Variants in VAMP7 observed in about 807,000 individuals in gnomAD.
The protein encoded by VAMP7 is vesicle associated membrane protein 7.
Under a neutral mutation model 29.6 loss-of-function variants are expected in VAMP7, and 14 were observed. That is an observed-to-expected ratio of 0.47 (90% CI 0.31 to 0.74). The LOEUF is 0.74. Ranked by LOEUF, VAMP7 falls within the 30% of genes least tolerant of loss-of-function variation. The pLI is 0.05. For missense variants in VAMP7, 223 were observed against 262.4 expected (o/e 0.85, Z 1.04); for synonymous variants, 95 against 88.1 (o/e 1.08, Z -0.44).
In VAMP7 at chrX:155,943,721, A is replaced by G. The variant is rs2066781318; in HGVS notation, c.*1770A>G. 1 of 152,202 alleles carries G rather than the reference A, an allele frequency of 6.6e-6. No individual in the cohort carries two copies. The highest frequency in any genetic ancestry group is 6.5e-5 in the Admixed American group (1 of 15,286). 9.4% of individuals were successfully genotyped at this position (152,202 alleles called of 1,614,324 possible). A position where few individuals can be genotyped will look rare whatever the true frequency, so the allele number is the denominator to read the frequency against. On this transcript the variant is annotated 3_prime_UTR_variant, in exon 8 of 8. Transcript: ENST00000286448. Reference sequence around the variant, plus strand: ...TTTTAAAGCACATGTCTCATTTTAAATGACGCACAAACTGAAGATGTTAAT... The same window carrying G: ...TTTTAAAGCACATGTCTCATTTTAAGTGACGCACAAACTGAAGATGTTAAT...
chrX:155,909,580 A>C (rs189723468), intron 5 of VAMP7, among the ~76,000 whole-genome samples: 107 of 152,228 alleles, frequency 7.0e-4, no homozygotes, highest in African/African-American at 2.3e-3. Flanking sequence ...TTAGGTTGTT[A>C]ATTTGAGATC....
chrX:155,930,765 G>C (rs1259902288), intron 6 of VAMP7, among the ~76,000 whole-genome samples: 1 of 151,304 alleles, frequency 6.6e-6, no homozygotes, highest in East Asian at 1.9e-4. Flanking sequence ...CAACGTGCAG[G>C]TTTGTTACAT....
chrX:155,903,413 C>G (rs150464305), intron 5 of VAMP7, among the ~76,000 whole-genome samples: 2 of 152,110 alleles, frequency 1.3e-5, no homozygotes, highest in African/African-American at 2.4e-5. Flanking sequence ...TCAGAGTGAA[C>G]AGACAACCTA....
chrX:155,917,683 C>T (rs1284657413), intron 5 of VAMP7, among the ~76,000 whole-genome samples: 2 of 152,154 alleles, frequency 1.3e-5, no homozygotes, highest in East Asian at 1.9e-4. Flanking sequence ...CTGGAAGCTT[C>T]GTCCCAGAGG....
At chrX:155,913,404 T>C (rs1329070894) in intron 5 of VAMP7, among the ~76,000 whole-genome samples, 2 of 152,212 alleles carry the variant, frequency 1.3e-5, no homozygotes, top group Non-Finnish European at 2.9e-5. Context: ...ATTTTGGCTT[T>C]TGTTGCCATT....
intron 5 of VAMP7, among the ~76,000 whole-genome samples, chrX:155,913,859 C>A (rs1486262647): frequency 2.0e-5 from 3 of 152,196 alleles, no homozygotes; most frequent in South Asian, 2.1e-4. Context: ...TATGTGGGCT[C>A]TTTTTTGGTT....
At position 155,939,854 on chromosome X, in the gene VAMP7, A is replaced by G. The variant is rs2066718122; in HGVS notation, c.594+61A>G. The G allele has an allele frequency of 5.3e-6, 7 of 1,320,482 alleles. No homozygotes were observed. The East Asian group carries it at 6.9e-5, about 13-fold the overall frequency. 81.8% of individuals were successfully genotyped at this position (1,320,482 alleles called of 1,614,324 possible). A position where few individuals can be genotyped will look rare whatever the true frequency, so the allele number is the denominator to read the frequency against. ...TTCAATCTCTAAGAAATTAGGTACTAGAATTATTTCTCAATGATTAACACT... is the reference window on the plus strand; with the variant it reads ...TTCAATCTCTAAGAAATTAGGTACTGGAATTATTTCTCAATGATTAACACT... On this transcript the variant is annotated intron_variant, in intron 7 of 7. Transcript: ENST00000286448.
chrX:155,884,149 CAG>C (rs1372858938), intron 1 of VAMP7, among the ~76,000 whole-genome samples: 1 of 151,532 alleles, frequency 6.6e-6, no homozygotes, highest in Non-Finnish European at 1.5e-5. Context: ...TCTTTTGAGA[CAG>C]AGTTTTGCTC....
chrX:155,917,758 T>C (rs1415163768), intron 5 of VAMP7, among the ~76,000 whole-genome samples: 2 of 151,880 alleles, frequency 1.3e-5, no homozygotes, highest in African/African-American at 4.8e-5. Flanking sequence ...TGCTGGGAGG[T>C]ATCTTCCAGT....
intron 3 of VAMP7, among the ~76,000 whole-genome samples, chrX:155,897,294 A>C (rs2066000452): frequency 6.6e-6 from 1 of 152,108 alleles, no homozygotes; most frequent in Non-Finnish European, 1.5e-5. Context: ...CATTGACCCC[A>C]ATTTAAGAAC....
chrX:155,896,527 G>A (rs763202910), intron 3 of VAMP7, among the ~76,000 whole-genome samples: 1 of 152,232 alleles, frequency 6.6e-6, no homozygotes, highest in Admixed American at 6.5e-5. Flanking sequence ...TGTCATTAAG[G>A]TCCTTTCTCT....
rs2066756542 is a variant in VAMP7 at position 155,942,237 on chromosome X, T to C, written c.*286T>C. Reference sequence around the variant, plus strand: ...AGTGTCATCTATTTAGAGAAACATTTTTGTTTTTAATTGCTCAAAGCTGTC... The same window carrying C: ...AGTGTCATCTATTTAGAGAAACATTCTTGTTTTTAATTGCTCAAAGCTGTC... On this transcript the variant is annotated 3_prime_UTR_variant, in exon 8 of 8. Transcript: ENST00000286448. The C allele has an allele frequency of 1.4e-6, 2 of 1,457,306 alleles. No homozygotes were observed. The highest frequency in any genetic ancestry group is 1.8e-6 in the Non-Finnish European group (2 of 1,097,848). 90.3% of individuals were successfully genotyped at this position (1,457,306 alleles called of 1,614,324 possible).
intron 1 of VAMP7, among the ~76,000 whole-genome samples, chrX:155,884,639 C>A (rs1366999270): frequency 3.3e-5 from 5 of 152,194 alleles, no homozygotes; most frequent in Admixed American, 3.3e-4. Flanking sequence ...TTTATTGACA[C>A]CTATTTCTTT....
chrX:155,901,209 TTAA>T (rs1331479191), intron 5 of VAMP7, among the ~76,000 whole-genome samples: 2 of 152,222 alleles, frequency 1.3e-5, no homozygotes, highest in Non-Finnish European at 2.9e-5. Flanking sequence ...AGGAATGGGA[TTAA>T]TAATCAAAAT....
intron 6 of VAMP7, among the ~76,000 whole-genome samples, chrX:155,930,466 G>C (rs1032973193): frequency 6.9e-6 from 1 of 143,996 alleles, no homozygotes; most frequent in African/African-American, 2.6e-5. Flanking sequence ...AACAAAGTGA[G>C]ACCTTATCTC....
chrX:155,928,311 A>G (rs2066500002), intron 6 of VAMP7, among the ~76,000 whole-genome samples: 1 of 152,180 alleles, frequency 6.6e-6, no homozygotes, highest in South Asian at 2.1e-4. Context: ...GCTATCACAA[A>G]TTATCACAAA....
At chrX:155,930,856 C>T (rs2066541765) in intron 6 of VAMP7, among the ~76,000 whole-genome samples, 1 of 151,918 alleles carries the variant, frequency 6.6e-6, no homozygotes. Flanking sequence ...GCTATCCCTT[C>T]CCCCTCCCAC....
chrX:155,904,293 A>T (rs1466978216), intron 5 of VAMP7, among the ~76,000 whole-genome samples: 4 of 151,840 alleles, frequency 2.6e-5, no homozygotes, highest in Non-Finnish European at 5.9e-5. Context: ...AGCATGGCAC[A>T]TGTATACATA....
At chrX:155,940,750 C>G (rs755034676) in intron 7 of VAMP7, among the ~76,000 whole-genome samples, 1 of 152,222 alleles carries the variant, frequency 6.6e-6, no homozygotes, top group Non-Finnish European at 1.5e-5. Flanking sequence ...AACTTTACAT[C>G]AAGTTGGTAA....
Sources: allele counts gnomAD v4.1 joint callset (sites outside exome capture counted in the v4.1 genomes callset), GRCh38; gene constraint gnomAD v4.1.1; transcripts MANE v1.5; gene names NCBI Gene and HGNC (gene_info 2026-07-23, HGNC 2026-07-21).